Variants in LSM2 observed in about 807,000 individuals in gnomAD.
LSM2 encodes the protein LSM2 homolog, U6 small nuclear RNA and mRNA degradation associated.
A neutral mutation model predicts 17.0 loss-of-function variants in LSM2; 12 were observed. The observed-to-expected ratio is 0.70, with a 90% CI of 0.45 to 1.14. The LOEUF is 1.14. Ranked by LOEUF, LSM2 falls within the 50% of genes most tolerant of loss-of-function variation. The pLI, the probability that LSM2 is intolerant of heterozygous loss-of-function variation, is 0.00. For missense variants in LSM2, 62 were observed against 111.8 expected, an observed-to-expected ratio of 0.55 and a Z score of 2.01; for synonymous variants, 42 against 44.5, an observed-to-expected ratio of 0.94 and a Z score of 0.22.
In LSM2 at chr6:31,797,717, G is replaced by A. The variant is rs767254415; in HGVS notation, c.*40C>T. ...TCTGGGCTGGGACTTGGGGTTATGGGTCACCAATGAAAGAGGGAGGGGAAG... is the reference window on the plus strand; with the variant it reads ...TCTGGGCTGGGACTTGGGGTTATGGATCACCAATGAAAGAGGGAGGGGAAG... On this transcript the variant is annotated 3_prime_UTR_variant, in exon 5 of 5. Coordinates refer to ENST00000375661, the MANE Select transcript of LSM2 (RefSeq NM_021177.5). 4 of 1,611,476 alleles carry A rather than the reference G, an allele frequency of 2.5e-6. No individual in the cohort carries two copies.
chr6:31,805,526 G>A lies in LSM2; in HGVS notation c.71+549C>T, dbSNP rs1030028192. 2.6e-5 allele frequency among the ~76,000 whole-genome samples: 4 copies of A among 151,748 alleles called. No homozygotes were observed. The South Asian group carries it at 6.2e-4, about 24-fold the overall frequency. ...ATTACAGGCACCAGCCACCGTGCCC[G>A]GCTAATTTTTGTATTTTTAGTAGAG... is the stretch of plus-strand genomic sequence containing the variant. On this transcript the variant is annotated intron_variant, in intron 2 of 4. Coordinates refer to ENST00000375661, the MANE Select transcript of LSM2 (RefSeq NM_021177.5).
chr6:31,798,738 T>C (rs1370305460), intron 2 of LSM2, among the ~76,000 whole-genome samples: 4 of 140,492 alleles, frequency 2.8e-5, no homozygotes, highest in Non-Finnish European at 6.2e-5. Flanking sequence ...CCATTCTTTT[T>C]TTTTTTTTTT....
chr6:31,806,258 C>T (rs1815029705), intron 1 of LSM2, 116 bp from the exon 2 acceptor site: 1 of 954,376 alleles, frequency 1.0e-6, no homozygotes, highest in Non-Finnish European at 1.6e-6. Context: ...CCTGACAGTT[C>T]TCAAAATTTC....
At chr6:31,802,635 G>A (rs1038346598) in intron 2 of LSM2, among the ~76,000 whole-genome samples, 2 of 151,656 alleles carry the variant, frequency 1.3e-5, no homozygotes, top group African/African-American at 2.4e-5. Flanking sequence ...TACTACGGCC[G>A]GGTGCAGTGG....
rs766073493 is a variant in LSM2, at chr6:31,798,062, G to T, written c.103-13C>A. On this transcript the variant is annotated splice_polypyrimidine_tract_variant and intron_variant, in intron 3 of 4. Transcript: ENST00000375661. ...TGATGTTGAGATACTAGGAAAGGAAGATGAACACCATTATTATTATTATTT... is the reference window on the plus strand; with the variant it reads ...TGATGTTGAGATACTAGGAAAGGAATATGAACACCATTATTATTATTATTT... The T allele has an allele frequency of 1.3e-6, 2 of 1,573,044 alleles. No homozygotes were observed. The highest frequency in any genetic ancestry group is 2.4e-5 in the South Asian group (2 of 85,050).
intron 2 of LSM2, among the ~76,000 whole-genome samples, chr6:31,805,106 C>T (rs1012471152): frequency 2.0e-5 from 3 of 151,616 alleles, no homozygotes; most frequent in Admixed American, 6.6e-5. Context: ...CCTCTGTCAA[C>T]CAGGCTGGAG....
At chr6:31,798,577 G>A in intron 2 of LSM2, 70 bp from the exon 3 acceptor site, 1 of 1,556,358 alleles carries the variant, frequency 6.4e-7, no homozygotes, top group East Asian at 2.2e-5. Flanking sequence ...TGACTTCAGA[G>A]CTGGGATGAG....
intron 1 of LSM2, chr6:31,806,395 GCT>G (rs1334782258): frequency 1.7e-5 from 10 of 600,510 alleles, no homozygotes; most frequent in Middle Eastern, 8.7e-4. Context: ...TCCCCACTGT[GCT>G]CTCTCAGTCG....
chr6:31,805,010 C>G lies in LSM2; in HGVS notation c.71+1065G>C, dbSNP rs1345045049. On this transcript the variant is annotated intron_variant, in intron 2 of 4. Transcript: ENST00000375661. ...CTCAATCTCCTGACCTTGTGATCCG[C>G]CTGCCTCGGCCTCCCAAAGTGCTGG... is the stretch of plus-strand genomic sequence containing the variant. Among the ~76,000 whole-genome samples the G allele has an allele frequency of 5.3e-5, 8 of 152,054 alleles. No homozygotes were observed. The East Asian group carries it at 1.2e-3, about 22-fold the overall frequency.
intron 1 of LSM2, chr6:31,806,513 CT>C: frequency 3.1e-6 from 2 of 644,394 alleles, no homozygotes; most frequent in Non-Finnish European, 2.8e-6. Flanking sequence ...TGAGGTCTAA[CT>C]TTTCCGTCTC....
intron 2 of LSM2, among the ~76,000 whole-genome samples, chr6:31,799,706 G>A (rs909855799): frequency 4.0e-5 from 6 of 150,662 alleles, no homozygotes; most frequent in African/African-American, 9.8e-5. Flanking sequence ...TGTCACCCAG[G>A]CTAGCTATTT....
At chr6:31,806,372 G>T in intron 1 of LSM2, 1 of 603,504 alleles carries the variant, frequency 1.7e-6, no homozygotes, top group Non-Finnish European at 2.9e-6. Context: ...ACTCTGCCCT[G>T]CATACGTCGG....
At chr6:31,801,462 G>C (rs1001553206) in intron 2 of LSM2, among the ~76,000 whole-genome samples, 1 of 152,166 alleles carries the variant, frequency 6.6e-6, no homozygotes, top group Non-Finnish European at 1.5e-5. Flanking sequence ...AGGAGGGGGA[G>C]ATACATAGCA....
intron 2 of LSM2, among the ~76,000 whole-genome samples, chr6:31,804,763 CTTTTTT>C (rs9279424): frequency 1.9e-5 from 2 of 104,908 alleles, no homozygotes; most frequent in African/African-American, 7.0e-5. Flanking sequence ...TCTTTTTTTT[CTTTTTT>C]TTTTTTTTTT....
Position 31,806,784 on chromosome 6 carries a change from G to A in LSM2, c.-27C>T. ...GTGCTGGCGCCGCGGGCAGCGGGCC[G>A]GACCGGGAAGACAGCAGGGTGCTGC... On this transcript the variant is annotated 5_prime_UTR_variant, in exon 1 of 5. Transcript: ENST00000375661. 3.1e-6 allele frequency: 5 copies of A among 1,607,748 alleles called. No individual in the cohort carries two copies. Among genetic ancestry groups the A allele is most frequent in the Non-Finnish European group, 4.2e-6 (5 of 1,178,064 alleles).
intron 2 of LSM2, among the ~76,000 whole-genome samples, chr6:31,800,959 G>T (rs1814662046): frequency 6.6e-6 from 1 of 151,262 alleles, no homozygotes; most frequent in Admixed American, 6.6e-5. Flanking sequence ...AGGAGGTGAG[G>T]CACGAGAATC....
chr6:31,797,673 A>G lies in LSM2; in HGVS notation c.*84T>C. The G allele has an allele frequency of 6.3e-7, 1 of 1,584,586 alleles. No homozygotes were observed. Among genetic ancestry groups the G allele is most frequent in the Non-Finnish European group, 8.6e-7 (1 of 1,165,296 alleles). On this transcript the variant is annotated 3_prime_UTR_variant, in exon 5 of 5. Coordinates refer to ENST00000375661, the MANE Select transcript of LSM2 (RefSeq NM_021177.5). ...TTAGTAAAAAAACAAAACCCCTTCA[A>G]GTATTGGGGGTTAGGGGTTCTGGGC... is the stretch of plus-strand genomic sequence containing the variant.
intron 2 of LSM2, 86 bp from the exon 3 acceptor site, chr6:31,798,593 G>T: frequency 6.7e-7 from 1 of 1,485,170 alleles, no homozygotes; most frequent in South Asian, 1.2e-5. Context: ...ATGAGAACAT[G>T]ACTGGGAGAA....
rs368408935 is a variant in LSM2 at position 31,799,504 on chromosome 6, C to T, written c.72-997G>A. On this transcript the variant is annotated intron_variant, in intron 2 of 4. Transcript: ENST00000375661. ...CCCGAGTAGCTGGGACTACAGATGC[C>T]GGCCACCACTCCTGGCTAATTTTTT... Among the ~76,000 whole-genome samples, 4 of 152,122 alleles carry T rather than the reference C, an allele frequency of 2.6e-5. No homozygotes were observed. In the East Asian group the frequency reaches 7.7e-4, roughly 29 times the overall value.
Sources: allele counts gnomAD v4.1 joint callset (sites outside exome capture counted in the v4.1 genomes callset), GRCh38; gene constraint gnomAD v4.1.1; transcripts MANE v1.5; gene names NCBI Gene and HGNC (gene_info 2026-07-23, HGNC 2026-07-21).